The following UNG variants were observed in gnomAD, a reference collection of about 807,000 sequenced individuals.
UNG encodes uracil DNA glycosylase.
UNG carries 34 observed loss-of-function variants against 36.5 expected under a neutral mutation model. That is an observed-to-expected ratio of 0.93 (90% confidence interval 0.71 to 1.24). UNG has a LOEUF of 1.24. UNG is among the 50% of genes most tolerant of loss of function. The pLI is 0.00. For synonymous variants in UNG, 172 were observed against 157.8 expected, an observed-to-expected ratio of 1.09 and a Z score of -0.67; for missense variants, 391 against 397.6, an observed-to-expected ratio of 0.98 and a Z score of 0.14.
Position 109,101,955 on chromosome 12 carries a change from C to T in UNG, c.489C>T (p.His163=), listed in dbSNP as rs376918741. ...QDPYHGPNQA[H]GLCFSVQRPV... is the part of the protein sequence containing the mutation. The stretch of plus-strand genomic sequence containing the variant: ...CATATCATGGACCTAATCAAGCTCA[C>T]GGGCTCTGCTTTAGTGTTCAAAGGC... Residue 163 remains histidine, a synonymous_variant, in exon 4 of 7, where the codon CAC becomes CAT. Coordinates refer to ENST00000242576, the MANE Select transcript of UNG (RefSeq NM_080911.3). 37 of 1,613,960 alleles carry T rather than the reference C, an allele frequency of 2.3e-5. No individual in the cohort carries two copies. The highest frequency in any genetic ancestry group is 9.3e-5 in the African/African-American group (7 of 74,918).
chr12:109,101,980 C>G lies in UNG; in HGVS notation c.514C>G (p.Pro172Ala), dbSNP rs143527092. ...AHGLCFSVQR[P>A]VPPPPSLENI... The stretch of plus-strand genomic sequence containing the variant: ...CGGGCTCTGCTTTAGTGTTCAAAGG[C>G]CTGTTCCGCCTCCGCCCAGGTACAG... Residue 172 changes from proline to alanine, a missense_variant, in exon 4 of 7, where the codon CCT (proline) becomes GCT (alanine). Transcript: ENST00000242576. The G allele has an allele frequency of 4.3e-5, 70 of 1,613,910 alleles. No individual in the cohort carries two copies. In the African/African-American group the frequency reaches 8.5e-4, roughly 20 times the overall value.
At chr12:109,108,965 A>G (rs867477258) in intron 6 of UNG, among the ~76,000 whole-genome samples, 1 of 152,154 alleles carries the variant, frequency 6.6e-6, no homozygotes, top group African/African-American at 2.4e-5. Context: ...ACAGTGTTCA[A>G]TGAGTTACAT....
In UNG at chr12:109,099,295, C is replaced by T. The variant is rs753987251; in HGVS notation, c.435+11C>T. On this transcript the variant is annotated intron_variant, in intron 3 of 6. Transcript: ENST00000242576. ...TGTGACATAAAAGATGTAAGTACAA[C>T]TTGTTGATAATTTTTATTGGGGAGA... 11 of 1,608,662 alleles carry T rather than the reference C, an allele frequency of 6.8e-6. No homozygotes were observed. Among genetic ancestry groups the T allele is most frequent in the Middle Eastern group, 3.3e-4 (2 of 6,072 alleles).
intron 4 of UNG, 116 bp downstream of exon 4, chr12:109,102,115 C>T (rs2042182905): frequency 1.1e-6 from 1 of 931,008 alleles, no homozygotes; most frequent in African/African-American, 1.6e-5. Context: ...AGGAGGATTT[C>T]TCGGCCTCAG....
chr12:109,097,630 G>C lies in UNG; in HGVS notation c.-50G>C, dbSNP rs370117219. Reference sequence around the variant, plus strand: ...ACCGCCACAGCCACAGCCAGGGCTAGCCTCGCCGGTTCCCGGGTGGCGCGC... The same window carrying C: ...ACCGCCACAGCCACAGCCAGGGCTACCCTCGCCGGTTCCCGGGTGGCGCGC... On this transcript the variant is annotated 5_prime_UTR_variant, in exon 1 of 7. Coordinates refer to ENST00000242576, the MANE Select transcript of UNG (RefSeq NM_080911.3). The C allele has an allele frequency of 5.0e-6, 8 of 1,587,280 alleles. No individual in the cohort carries two copies. Among genetic ancestry groups the C allele is most frequent in the Middle Eastern group, 1.7e-4 (1 of 6,034 alleles).
Position 109,098,516 on chromosome 12 carries a change from C to T in UNG, c.217C>T (p.Arg73Trp), listed in dbSNP as rs747129281. Residue 73 changes from arginine (R) to tryptophan (W), a missense_variant, in exon 2 of 7, where the codon CGG (arginine) becomes TGG (tryptophan). Physicochemically the swap from Arg to Trp is moderately radical, Grantham distance 101. Coordinates refer to ENST00000242576, the MANE Select transcript of UNG (RefSeq NM_080911.3). ...SSPLSAEQLD[R>W]IQRNKAAALL... ...GCCGCTGAGTGCCGAGCAGTTGGAC[C>T]GGATCCAGAGGAACAAGGCCGCGGC... 6 of 1,612,896 alleles carry T rather than the reference C, an allele frequency of 3.7e-6. No individual in the cohort carries two copies. Among genetic ancestry groups the T allele is most frequent in the Non-Finnish European group, 3.4e-6 (4 of 1,179,866 alleles).
chr12:109,103,024 T>G (rs2042190124), intron 5 of UNG, 97 bp downstream of exon 5: 1 of 916,668 alleles, frequency 1.1e-6, no homozygotes, highest in South Asian at 1.4e-5. Flanking sequence ...CAATCTCAGC[T>G]TACTGCAACC....
chr12:109,098,558 G>T lies in UNG; in HGVS notation c.259G>T (p.Ala87Ser). 6.2e-7 allele frequency: 1 copy of T among 1,613,328 alleles called. No homozygotes were observed. The highest frequency in any genetic ancestry group is 8.5e-7 in the Non-Finnish European group (1 of 1,180,010). ...NKAAALLRLAARNVPVGFGES... is the reference protein window; with the variant it reads ...NKAAALLRLASRNVPVGFGES... ...GGCCGCGGCCCTGCTCAGACTCGCGGCCCGCAACGTGCCCGTGGGCTTTGG... is the reference window on the plus strand; with the variant it reads ...GGCCGCGGCCCTGCTCAGACTCGCGTCCCGCAACGTGCCCGTGGGCTTTGG... Residue 87 changes from alanine (A) to serine (S), a missense_variant, in exon 2 of 7, where the codon GCC becomes TCC. By Grantham distance (99) the Ala-to-Ser change is moderately conservative (BLOSUM62 1). Coordinates refer to ENST00000242576, the MANE Select transcript of UNG (RefSeq NM_080911.3).
intron 6 of UNG, 60 bp from the exon 7 acceptor site, chr12:109,109,763 CAAAAAA>C (rs71079524): frequency 4.6e-6 from 6 of 1,300,498 alleles, no homozygotes; most frequent in South Asian, 3.8e-5. Context: ...GACTCTGTCT[CAAAAAA>C]AAAAAAAAAA....
chr12:109,103,741 T>C (rs1037963219), intron 6 of UNG, 130 bp downstream of exon 6: 8 of 1,106,050 alleles, frequency 7.2e-6, no homozygotes, highest in Non-Finnish European at 1.0e-5. Context: ...TATTTTCCCT[T>C]AGGCCTGTTA....
chr12:109,105,702 CTCTT>C (rs2042210560), intron 6 of UNG, among the ~76,000 whole-genome samples: 1 of 152,230 alleles, frequency 6.6e-6, no homozygotes, highest in Non-Finnish European at 1.5e-5. Context: ...CTGCCTACCT[CTCTT>C]TCTCCCCTCT....
chr12:109,101,214 T>C (rs2042174434), intron 3 of UNG, among the ~76,000 whole-genome samples: 1 of 132,580 alleles, frequency 7.5e-6, no homozygotes, highest in Non-Finnish European at 1.5e-5. Flanking sequence ...TGCCTCAGCC[T>C]CCCGAGTAGC....
chr12:109,098,478 C>T lies in UNG; in HGVS notation c.179C>T (p.Thr60Met). ...KAPAGQEEPG[T>M]PPSSPLSAEQ... ...CCGGCTGGGCAGGAGGAGCCTGGGA[C>T]GCCGCCCTCCTCGCCGCTGAGTGCC... The change falls in exon 2 of 7, where the codon ACG becomes ATG. Residue 60 changes from threonine to methionine, a missense_variant. By Grantham distance (81) the Thr-to-Met change is moderately conservative. Transcript: ENST00000242576. 5.6e-6 allele frequency: 9 copies of T among 1,612,022 alleles called. No individual in the cohort carries two copies. The highest frequency in any genetic ancestry group is 7.6e-6 in the Non-Finnish European group (9 of 1,179,440).
In UNG at chr12:109,110,093, G is replaced by A. The variant is rs1351691566; in HGVS notation, c.*124G>A. On this transcript the variant is annotated 3_prime_UTR_variant, in exon 7 of 7. Transcript: ENST00000242576. ...CATAAGGGGGAAAAGCTTCCAGAAA[G>A]CAGCCATGAACCAGGCTGTCCAGGA... 1.4e-6 allele frequency: 2 copies of A among 1,400,990 alleles called. No individual in the cohort carries two copies. Among genetic ancestry groups the A allele is most frequent in the African/African-American group, 2.8e-5 (2 of 70,508 alleles). The allele number at this position is 1,400,990 out of a possible 1,614,324, so 86.8% of individuals were successfully genotyped here.
At position 109,098,562 on chromosome 12, in the gene UNG, G is replaced by T. The variant is rs986919598; in HGVS notation, c.263G>T (p.Arg88Leu). 1.2e-6 allele frequency: 2 copies of T among 1,613,304 alleles called. No homozygotes were observed. Among genetic ancestry groups the T allele is most frequent in the Non-Finnish European group, 1.7e-6 (2 of 1,179,972 alleles). ...KAAALLRLAA[R>L]NVPVGFGESW... ...GCGGCCCTGCTCAGACTCGCGGCCC[G>T]CAACGTGCCCGTGGGCTTTGGAGAG... Residue 88 changes from arginine to leucine, a missense_variant, in exon 2 of 7, where the codon CGC becomes CTC. Arg to Leu is a moderately radical substitution (Grantham distance 102, BLOSUM62 -2). Coordinates refer to ENST00000242576, the MANE Select transcript of UNG (RefSeq NM_080911.3).
chr12:109,100,679 T>C (rs2042169533), intron 3 of UNG, among the ~76,000 whole-genome samples: 2 of 152,340 alleles, frequency 1.3e-5, no homozygotes, highest in East Asian at 3.9e-4. Context: ...GTTTCAAACC[T>C]ATGAGGATCA....
intron 4 of UNG, among the ~76,000 whole-genome samples, chr12:109,102,547 C>T (rs1460206112): frequency 1.3e-5 from 2 of 151,976 alleles, no homozygotes; most frequent in South Asian, 4.2e-4. Flanking sequence ...GGACAGAAAA[C>T]TGTCCCTGAG....
At chr12:109,104,817 A>G (rs969657706) in intron 6 of UNG, among the ~76,000 whole-genome samples, 1 of 152,182 alleles carries the variant, frequency 6.6e-6, no homozygotes, top group Non-Finnish European at 1.5e-5. Flanking sequence ...GGCTTAGCAG[A>G]GGTAACCTGA....
intron 3 of UNG, among the ~76,000 whole-genome samples, chr12:109,100,433 G>A (rs1262133709): frequency 1.3e-5 from 2 of 152,170 alleles, no homozygotes; most frequent in African/African-American, 4.8e-5. Context: ...ACATAGAAGT[G>A]AAATAGGTGA....
Sources: allele counts gnomAD v4.1 joint callset (sites outside exome capture counted in the v4.1 genomes callset), GRCh38; gene constraint gnomAD v4.1.1; transcripts MANE v1.5; gene names NCBI Gene and HGNC (gene_info 2026-07-23, HGNC 2026-07-21).